FSHR: variants seen among roughly 807,000 people sequenced by gnomAD.
The protein encoded by FSHR is follicle-stimulating hormone receptor.
In FSHR, 46 loss-of-function variants were observed where a neutral mutation model predicts 52.1. That is an observed-to-expected ratio of 0.88 (90% CI 0.70 to 1.13). FSHR has a LOEUF of 1.13. FSHR is among the 50% of genes most tolerant of loss of function. FSHR has a pLI of 0.00. For missense variants in FSHR, 964 were observed against 834.6 expected, an observed-to-expected ratio of 1.16 and a Z score of -1.91; for synonymous variants, 399 against 309.6, an observed-to-expected ratio of 1.29 and a Z score of -3.03.
chr2:48,997,395 C>T (rs1676070599), intron 4 of FSHR: 1 of 984,916 alleles, frequency 1.0e-6, no homozygotes, highest in African/African-American at 1.7e-5. Flanking sequence ...GTAACATTTC[C>T]TAGAGGAGAG....
intron 2 of FSHR, among the ~76,000 whole-genome samples, chr2:49,040,530 C>T (rs1030191779): frequency 1.3e-5 from 2 of 152,184 alleles, no homozygotes; most frequent in African/African-American, 4.8e-5. Context: ...TCTGTGGCAT[C>T]TGGTACACAG....
chr2:49,109,886 A>G (rs963737542), intron 1 of FSHR, among the ~76,000 whole-genome samples: 1 of 152,170 alleles, frequency 6.6e-6, no homozygotes, highest in Non-Finnish European at 1.5e-5. Context: ...CTAAGAAATC[A>G]AGACAAATCT....
intron 2 of FSHR, among the ~76,000 whole-genome samples, chr2:49,051,162 G>C (rs1238251048): frequency 6.6e-6 from 1 of 152,040 alleles, no homozygotes; most frequent in East Asian, 1.9e-4. Context: ...GTGATTTTCT[G>C]TTTGGGGCTA....
intron 1 of FSHR, among the ~76,000 whole-genome samples, chr2:49,081,952 A>G (rs1381104122): frequency 6.6e-6 from 1 of 152,224 alleles, no homozygotes; most frequent in African/African-American, 2.4e-5. Flanking sequence ...TGATGGCCCA[A>G]GTGTAAATGA....
chr2:49,012,798 T>C (rs970092940), intron 4 of FSHR, among the ~76,000 whole-genome samples: 1 of 152,134 alleles, frequency 6.6e-6, no homozygotes, highest in Non-Finnish European at 1.5e-5. Flanking sequence ...ATCGTTGCCA[T>C]CTACCTCTAC....
rs1251816765 is a variant in FSHR, at chr2:48,986,581, G to C, written c.524+2396C>G. On this transcript the variant is annotated intron_variant, in intron 6 of 9. Transcript: ENST00000406846. ...CAATAGAAATTGTTTCCACAAAAGT[G>C]AGTTTATCCTTTAGAGACATGTCTG... Among the ~76,000 whole-genome samples the C allele has an allele frequency of 7.2e-5, 11 of 152,182 alleles. No homozygotes were observed. In the East Asian group the frequency reaches 2.1e-3, roughly 29 times the overall value.
At chr2:49,005,013 C>T (rs1667029711) in intron 4 of FSHR, among the ~76,000 whole-genome samples, 1 of 152,110 alleles carries the variant, frequency 6.6e-6, no homozygotes, top group South Asian at 2.1e-4. Context: ...CCATCACTAC[C>T]AACTCTTGAG....
At chr2:48,992,193 A>G (rs889816151) in intron 4 of FSHR, among the ~76,000 whole-genome samples, 2 of 152,150 alleles carry the variant, frequency 1.3e-5, no homozygotes, top group Admixed American at 6.5e-5. Context: ...AAAAAATTAT[A>G]TACAGAAAAA....
chr2:49,061,863 TTA>T (rs979654099), intron 2 of FSHR, among the ~76,000 whole-genome samples: 9 of 143,190 alleles, frequency 6.3e-5, no homozygotes, highest in East Asian at 3.9e-4. Flanking sequence ...TATAATATAT[TTA>T]TATATATATA....
At chr2:49,001,826 T>G (rs1013102295) in intron 4 of FSHR, among the ~76,000 whole-genome samples, 3 of 152,166 alleles carry the variant, frequency 2.0e-5, no homozygotes, top group African/African-American at 7.2e-5. Context: ...TGAACTGGGT[T>G]GGAGTCTGAC....
intron 1 of FSHR, among the ~76,000 whole-genome samples, chr2:49,081,594 T>G (rs1490344227): frequency 6.6e-6 from 1 of 152,140 alleles, no homozygotes; most frequent in Non-Finnish European, 1.5e-5. Flanking sequence ...GATAGTACCT[T>G]TACCTCCCCA....
chr2:49,099,243 G>T (rs1475186767), intron 1 of FSHR, among the ~76,000 whole-genome samples: 4 of 152,074 alleles, frequency 2.6e-5, no homozygotes, highest in Non-Finnish European at 1.5e-5. Context: ...AATCATGGGG[G>T]TGGTTTCCCC....
At chr2:49,090,155 ATG>A (rs1572730444) in intron 1 of FSHR, among the ~76,000 whole-genome samples, 1 of 144,440 alleles carries the variant, frequency 6.9e-6, no homozygotes. Flanking sequence ...GTGTGTGTGC[ATG>A]TGTGTGTGTA....
At chr2:49,078,312 C>A (rs1670029127) in intron 1 of FSHR, among the ~76,000 whole-genome samples, 1 of 152,132 alleles carries the variant, frequency 6.6e-6, no homozygotes, top group East Asian at 1.9e-4. Flanking sequence ...GAGACTTATT[C>A]ACTATCATGA....
intron 1 of FSHR, among the ~76,000 whole-genome samples, chr2:49,092,767 G>C (rs1385491675): frequency 1.3e-5 from 2 of 152,188 alleles, no homozygotes; most frequent in Non-Finnish European, 2.9e-5. Context: ...CCGGGTTCAA[G>C]TGATTCTCCT....
intron 4 of FSHR, among the ~76,000 whole-genome samples, chr2:49,001,997 C>T (rs1230011071): frequency 1.3e-5 from 2 of 152,106 alleles, no homozygotes; most frequent in Non-Finnish European, 2.9e-5. Flanking sequence ...CTAGTAGATG[C>T]TCAGTAAGCT....
intron 2 of FSHR, among the ~76,000 whole-genome samples, chr2:49,022,920 A>G (rs1298602842): frequency 1.3e-5 from 2 of 152,196 alleles, no homozygotes; most frequent in Non-Finnish European, 2.9e-5. Flanking sequence ...AGATCTTTTT[A>G]GAATGCAGAT....
intron 1 of FSHR, among the ~76,000 whole-genome samples, chr2:49,087,686 A>C (rs1281609209): frequency 6.6e-6 from 1 of 152,208 alleles, no homozygotes. Flanking sequence ...ACATATGCAT[A>C]GTTGGGTGGT....
chr2:48,998,871 G>C (rs1676139271), intron 4 of FSHR, among the ~76,000 whole-genome samples: 1 of 152,064 alleles, frequency 6.6e-6, no homozygotes, highest in Non-Finnish European at 1.5e-5. Flanking sequence ...TACATAATAA[G>C]AGAAGATGCA....
Sources: gnomAD v4.1 joint callset for allele counts (sites outside exome capture counted in the v4.1 genomes callset) on GRCh38, gnomAD v4.1.1 for gene constraint, MANE v1.5 for transcripts, NCBI Gene and HGNC (gene_info 2026-07-23, HGNC 2026-07-21) for gene names.